Variants in DHTKD1 observed in about 807,000 individuals in gnomAD.
DHTKD1 encodes 2-oxoadipate dehydrogenase complex component E1.
Under a neutral mutation model 101.8 loss-of-function variants are expected in DHTKD1, and 78 were observed. That is an observed-to-expected ratio of 0.77 (90% CI 0.64 to 0.93). The LOEUF is 0.93. DHTKD1 is among the 40% of genes least tolerant of loss of function. DHTKD1 has a pLI of 0.00. For synonymous variants in DHTKD1, 462 were observed against 450.3 expected (o/e 1.03, Z -0.33); for missense variants, 1,223 against 1,161.7 (o/e 1.05, Z -0.77).
intron 2 of DHTKD1, 117 bp downstream of exon 2, chr10:12,081,744 G>C (rs933488704): frequency 2.7e-6 from 3 of 1,111,740 alleles, no homozygotes; most frequent in South Asian, 1.5e-5. Flanking sequence ...GGTGTGAGGA[G>C]ACCCGAGGGG....
In DHTKD1 at chr10:12,121,238, A is replaced by C. The variant is rs111710934; in HGVS notation, c.*350A>C. On this transcript the variant is annotated 3_prime_UTR_variant, in exon 17 of 17. Coordinates refer to ENST00000263035, the MANE Select transcript of DHTKD1 (RefSeq NM_018706.7). ...GCGTTTCAAAAAAAAAAAAAAAAAA[A>C]CCCATTAAAAGAGGCCTCCTTCCTC... 1,062 of 224,094 alleles carry C rather than the reference A, an allele frequency of 4.7e-3. 22 individuals are homozygous for C. Among genetic ancestry groups the C allele is most frequent in the African/African-American group, 0.023 (996 of 43,378 alleles). The allele number at this position is 224,094 out of a possible 1,614,324, so 13.9% of individuals were successfully genotyped here. A position where few individuals can be genotyped will look rare whatever the true frequency, so the allele number is the denominator to read the frequency against.
intron 3 of DHTKD1, 46 bp downstream of exon 3, chr10:12,084,797 T>A (rs1564390185): frequency 6.3e-7 from 1 of 1,577,100 alleles, no homozygotes; most frequent in Non-Finnish European, 8.7e-7. Flanking sequence ...ATGCCTGTAA[T>A]CCCAGCACTT....
At chr10:12,089,718 T>C (rs1832958544) in intron 5 of DHTKD1, among the ~76,000 whole-genome samples, 1 of 152,162 alleles carries the variant, frequency 6.6e-6, no homozygotes, top group South Asian at 2.1e-4. Context: ...TCACTCAGGC[T>C]GGAGTGCAGT....
Position 12,084,849 on chromosome 10 carries a change from A to G in DHTKD1, c.522+98A>G, listed in dbSNP as rs562627494. The stretch of plus-strand genomic sequence containing the variant: ...GCGGATCACCTGAGGTCAGGAGTTC[A>G]AGACCAGCCTGACCAACATGGAGAA... On this transcript the variant is annotated intron_variant, in intron 3 of 16. Coordinates refer to ENST00000263035, the MANE Select transcript of DHTKD1 (RefSeq NM_018706.7). 31 of 1,009,036 alleles carry G rather than the reference A, an allele frequency of 3.1e-5. No individual in the cohort carries two copies. In the South Asian group the frequency reaches 3.7e-4, roughly 12 times the overall value. 62.5% of individuals were successfully genotyped at this position (1,009,036 alleles called of 1,614,324 possible).
chr10:12,089,503 G>C (rs1832955945), intron 5 of DHTKD1, among the ~76,000 whole-genome samples: 1 of 151,960 alleles, frequency 6.6e-6, no homozygotes, highest in African/African-American at 2.4e-5. Flanking sequence ...TGGGGTTTGG[G>C]CTGGCAAACC....
chr10:12,120,685 G>C (rs189736177), intron 16 of DHTKD1, 102 bp from the exon 17 acceptor site: 118 of 1,008,958 alleles, frequency 1.2e-4, no homozygotes, highest in Non-Finnish European at 1.7e-4. Context: ...GTGATTTATG[G>C]TTAAACAAGC....
chr10:12,093,912 G>C (rs1261245555), intron 6 of DHTKD1, among the ~76,000 whole-genome samples, 161 bp from the exon 7 acceptor site: 1 of 152,184 alleles, frequency 6.6e-6, no homozygotes, highest in African/African-American at 2.4e-5. Flanking sequence ...AAGTCCCAGA[G>C]TTGGAACTTG....
chr10:12,069,262 TGTCGG>T, intron 1 of DHTKD1, 75 bp downstream of exon 1: 13 of 1,055,578 alleles, frequency 1.2e-5, no homozygotes, highest in East Asian at 1.1e-4. Context: ...TGCGGTGGGG[TGTCGG>T]GGTCGGGGAA....
chr10:12,104,475 G>C (rs954566016), intron 10 of DHTKD1, among the ~76,000 whole-genome samples: 1 of 152,038 alleles, frequency 6.6e-6, no homozygotes, highest in Non-Finnish European at 1.5e-5. Flanking sequence ...CACTCTGCCC[G>C]TCCTTCCTTT....
Position 12,098,014 on chromosome 10 carries a change from G to T in DHTKD1, c.1671+18G>T. On this transcript the variant is annotated intron_variant, in intron 8 of 16. Transcript: ENST00000263035. ...ATGTTCAGGTGGGCAGCCTCCAAAT[G>T]GCTGGTTATTGCTTCTCCTTCCTGC... is the stretch of plus-strand genomic sequence containing the variant. The T allele has an allele frequency of 6.3e-7, 1 of 1,582,602 alleles. No homozygotes were observed. The highest frequency in any genetic ancestry group is 8.6e-7 in the Non-Finnish European group (1 of 1,160,784).
chr10:12,086,844 C>A (rs541086391), intron 3 of DHTKD1, among the ~76,000 whole-genome samples: 2 of 152,160 alleles, frequency 1.3e-5, no homozygotes, highest in South Asian at 4.1e-4. Context: ...GTGCACACCA[C>A]CACACCCGGC....
rs1309044268 is a variant in DHTKD1 at position 12,118,817 on chromosome 10, G to A, written c.2471G>A (p.Gly824Glu). 1 of 1,608,028 alleles carries A rather than the reference G, an allele frequency of 6.2e-7. No individual in the cohort carries two copies. The highest frequency in any genetic ancestry group is 1.1e-5 in the South Asian group (1 of 89,876). ...CTGGTGAAACAAAGAGAATCTCTGGGGGCCAAGAAGCATGACTTTGCCATC... is the reference window on the plus strand; with the variant it reads ...CTGGTGAAACAAAGAGAATCTCTGGAGGCCAAGAAGCATGACTTTGCCATC... ...YSLVKQRESL[G>E]AKKHDFAIIR... Residue 824 changes from glycine to glutamate, a missense_variant, in exon 15 of 17, where the codon GGG (glycine) becomes GAG (glutamate). Physicochemically the swap from Gly to Glu is moderately conservative, Grantham distance 98. Coordinates refer to ENST00000263035, the MANE Select transcript of DHTKD1 (RefSeq NM_018706.7).
rs1230971755 is a variant in DHTKD1, at chr10:12,088,650, C to T, written c.718-336C>T. 3.3e-5 allele frequency among the ~76,000 whole-genome samples: 5 copies of T among 152,174 alleles called. No homozygotes were observed. In the East Asian group the frequency reaches 9.7e-4, roughly 29 times the overall value. ...CCAGGCTGGAGTGCAGTGGCGTGAT[C>T]TCGGCTCACTGCAACCTCCGCCTCC... On this transcript the variant is annotated intron_variant, in intron 4 of 16. Transcript: ENST00000263035.
chr10:12,082,858 C>T (rs1228169771), intron 2 of DHTKD1, among the ~76,000 whole-genome samples: 3 of 151,912 alleles, frequency 2.0e-5, no homozygotes, highest in Admixed American at 6.6e-5. Flanking sequence ...ATGAGTTGGC[C>T]GGGTGCGGTG....
intron 6 of DHTKD1, among the ~76,000 whole-genome samples, chr10:12,092,596 G>A (rs368016609): frequency 9.9e-5 from 15 of 151,932 alleles, no homozygotes; most frequent in African/African-American, 3.6e-4. Flanking sequence ...CTGAGCTTGG[G>A]AGTTCGAGAC....
intron 1 of DHTKD1, among the ~76,000 whole-genome samples, chr10:12,075,299 C>A (rs916538253): frequency 6.6e-6 from 1 of 152,144 alleles, no homozygotes. Context: ...CCTGCCTCAG[C>A]CTCCAAGTAG....
chr10:12,097,572 C>A lies in DHTKD1; in HGVS notation c.1359-112C>A, dbSNP rs372921699. The A allele has an allele frequency of 1.5e-5, 14 of 934,574 alleles. No individual in the cohort carries two copies. The East Asian group carries it at 3.6e-4, about 24-fold the overall frequency. The allele number at this position is 934,574 out of a possible 1,614,324, so 57.9% of individuals were successfully genotyped here. ...TGTAGGTGTGAGCCACTGCACCTGT[C>A]GAATGCCTTTTTAGAGTGCTGACAC... On this transcript the variant is annotated intron_variant, in intron 7 of 16. Coordinates refer to ENST00000263035, the MANE Select transcript of DHTKD1 (RefSeq NM_018706.7).
At chr10:12,090,361 C>T (rs1433994102) in intron 5 of DHTKD1, among the ~76,000 whole-genome samples, 1 of 113,462 alleles carries the variant, frequency 8.8e-6, no homozygotes. Context: ...ATGGCCGGCC[C>T]TCCCTCCCTT....
chr10:12,075,724 A>C (rs1027860968), intron 1 of DHTKD1, among the ~76,000 whole-genome samples: 14 of 152,196 alleles, frequency 9.2e-5, no homozygotes, highest in African/African-American at 3.4e-4. Flanking sequence ...ATTCTTTTAA[A>C]TTTTATTTTT....
Sources: gnomAD v4.1 joint callset for allele counts (sites outside exome capture counted in the v4.1 genomes callset) on GRCh38, gnomAD v4.1.1 for gene constraint, MANE v1.5 for transcripts, NCBI Gene and HGNC (gene_info 2026-07-23, HGNC 2026-07-21) for gene names.